The following HMGN1 variants were observed in gnomAD, a reference collection of about 807,000 sequenced individuals.
The protein encoded by HMGN1 is non-histone chromosomal protein HMG-14.
In HMGN1, 9 loss-of-function variants were observed where a neutral mutation model predicts 18.4. That is an observed-to-expected ratio of 0.49 (90% confidence interval 0.29 to 0.85). HMGN1 has a LOEUF of 0.85. HMGN1 is among the 40% of genes least tolerant of loss of function. The pLI, the probability that HMGN1 is intolerant of heterozygous loss-of-function variation, is 0.07. For synonymous variants in HMGN1, 59 were observed against 45.0 expected, an observed-to-expected ratio of 1.31 and a Z score of -1.24; for missense variants, 151 against 119.2, an observed-to-expected ratio of 1.27 and a Z score of -1.24.
rs1348270482 is a variant in HMGN1, at chr21:39,343,177, T to C, written c.256-18A>G. On this transcript the variant is annotated intron_variant, in intron 5 of 5. Transcript: ENST00000380749. ...GCTGGACTCTGCAAAAGAAAGGAAA[T>C]TGAGATCTTTAGCATTTAACACGTT... 1 of 1,586,628 alleles carries C rather than the reference T, an allele frequency of 6.3e-7. No individual in the cohort carries two copies. Among genetic ancestry groups the C allele is most frequent in the African/African-American group, 1.4e-5 (1 of 73,612 alleles).
chr21:39,344,275 A>G (rs893328966), intron 5 of HMGN1, among the ~76,000 whole-genome samples: 46 of 145,606 alleles, frequency 3.2e-4, no homozygotes, highest in Admixed American at 2.9e-3. Flanking sequence ...AAAAAAAAAA[A>G]GGAATTAAGA....
Position 39,348,332 on chromosome 21 carries a change from G to A in HMGN1, c.86C>T (p.Pro29Leu). The A allele has an allele frequency of 1.2e-6, 2 of 1,614,106 alleles. No individual in the cohort carries two copies. The change falls in exon 4 of 6, where the codon CCT becomes CTT. Residue 29 changes from proline to leucine, a missense_variant. Coordinates refer to ENST00000380749, the MANE Select transcript of HMGN1 (RefSeq NM_004965.7). The part of the protein sequence containing the change: ...RRSARLSAKP[P>L]AKVEAKPKKA... ...TTTCGGCTTCGCTTCCACTTTTGCA[G>A]GAGGTTTCTGAAAGGCAAAAGCAGC...
At chr21:39,344,586 A>C (rs1347560273) in intron 5 of HMGN1, 2 of 152,930 alleles carry the variant, frequency 1.3e-5, no homozygotes, top group African/African-American at 4.8e-5. Context: ...AACCTGTTAC[A>C]GACTTCTTTG....
In HMGN1 at chr21:39,343,146, T is replaced by A. The variant is rs768746990; in HGVS notation, c.269A>T (p.Asp90Val). Reference protein sequence around the residue: ...ETKTEESPASDEAGEKEAKSD With the variant: ...ETKTEESPASVEAGEKEAKSD ...CTTGGCTTCTTTCTCTCCTGCTTCA[T>A]CAGAGGCTGGACTCTGCAAAAGAAA... The change falls in exon 6 of 6, where the codon GAT becomes GTT. Residue 90 changes from aspartate to valine, a missense_variant. Coordinates refer to ENST00000380749, the MANE Select transcript of HMGN1 (RefSeq NM_004965.7). 1.9e-5 allele frequency: 30 copies of A among 1,597,974 alleles called. No homozygotes were observed. The highest frequency in any genetic ancestry group is 2.6e-5 in the Non-Finnish European group (30 of 1,171,126).
chr21:39,344,255 T>C (rs1172847178), intron 5 of HMGN1, among the ~76,000 whole-genome samples: 1 of 13,664 alleles, frequency 7.3e-5, no homozygotes, highest in African/African-American at 2.7e-4. Flanking sequence ...AAATTCCGTC[T>C]CAAAAAAAAA....
chr21:39,346,152 A>T, intron 4 of HMGN1: 1 of 369,550 alleles, frequency 2.7e-6, no homozygotes, highest in Non-Finnish European at 5.2e-6. Context: ...GTGGTATAAA[A>T]GACCCATACG....
intron 5 of HMGN1, among the ~76,000 whole-genome samples, 153 bp downstream of exon 5, chr21:39,344,993 C>T (rs1439578568): frequency 6.6e-6 from 1 of 152,084 alleles, no homozygotes; most frequent in East Asian, 1.9e-4. Flanking sequence ...TCATAGAAAA[C>T]CATTTGTCCA....
In HMGN1 at chr21:39,345,171, T is replaced by G; in HGVS notation, c.230A>C (p.Glu77Ala). 1 of 1,604,468 alleles carries G rather than the reference T, an allele frequency of 6.2e-7. No homozygotes were observed. Residue 77 changes from glutamate (E) to alanine (A), a missense_variant, in exon 5 of 6, where the codon GAA (glutamate) becomes GCA (alanine). Physicochemically the swap from Glu to Ala is moderately radical, Grantham distance 107 (BLOSUM62 -1). Coordinates refer to ENST00000380749, the MANE Select transcript of HMGN1 (RefSeq NM_004965.7). Reference protein sequence around the residue: ...NQETKEDLPAENGETKTEESP... With the variant: ...NQETKEDLPAANGETKTEESP... ...CTCCTCAGTCTTCGTTTCCCCGTTT[T>G]CCGCAGGTAAGTCTTCTTTAGTTTC...
At chr21:39,345,917 TC>T in intron 4 of HMGN1, 2 of 1,302,322 alleles carry the variant, frequency 1.5e-6, no homozygotes, top group Non-Finnish European at 2.0e-6. Context: ...ACTAAAAGGA[TC>T]AGTTTTGAAT....
In HMGN1 at chr21:39,343,172, G is replaced by C. The variant is rs376492113; in HGVS notation, c.256-13C>G. ...CAGAGGCTGGACTCTGCAAAAGAAA[G>C]GAAATTGAGATCTTTAGCATTTAAC... On this transcript the variant is annotated splice_polypyrimidine_tract_variant and intron_variant, in intron 5 of 5. Transcript: ENST00000380749. 2 of 1,587,766 alleles carry C rather than the reference G, an allele frequency of 1.3e-6. No individual in the cohort carries two copies. Among genetic ancestry groups the C allele is most frequent in the African/African-American group, 1.4e-5 (1 of 73,700 alleles).
At chr21:39,343,440 A>T (rs906443844) in intron 5 of HMGN1, among the ~76,000 whole-genome samples, 8 of 152,222 alleles carry the variant, frequency 5.3e-5, no homozygotes, top group Non-Finnish European at 1.2e-4. Context: ...TTCAGCTCTA[A>T]TGCCGTAAAC....
intron 4 of HMGN1, chr21:39,345,993 C>T (rs1225667263): frequency 1.6e-6 from 2 of 1,266,926 alleles, no homozygotes; most frequent in Non-Finnish European, 2.1e-6. Flanking sequence ...ACCATACTAA[C>T]TTGATACATT....
intron 4 of HMGN1, 89 bp from the exon 5 acceptor site, chr21:39,345,363 A>G: frequency 7.5e-7 from 1 of 1,329,452 alleles, no homozygotes; most frequent in East Asian, 2.3e-5. Flanking sequence ...TCAGACAAGT[A>G]ATGTGCCCAG....
In HMGN1 at chr21:39,348,469, G is replaced by C; in HGVS notation, c.49-18C>G. ...CTCTTGGGCTTGGAGAAAGAAAAAG[G>C]AGAGTCAGCGAGAAGAGAAGGCAGG... On this transcript the variant is annotated intron_variant, in intron 2 of 5. Coordinates refer to ENST00000380749, the MANE Select transcript of HMGN1 (RefSeq NM_004965.7). 1 of 1,614,158 alleles carries C rather than the reference G, an allele frequency of 6.2e-7. No homozygotes were observed. The highest frequency in any genetic ancestry group is 8.5e-7 in the Non-Finnish European group (1 of 1,180,004).
chr21:39,342,938 C>T lies in HMGN1; in HGVS notation c.*174G>A, dbSNP rs1601544201. On this transcript the variant is annotated 3_prime_UTR_variant, in exon 6 of 6. Transcript: ENST00000380749. ...AAACAACCAGCAAATGATTTCACCT[C>T]TTAAAAAAAAGCATTTACACTTAAA... is the stretch of plus-strand genomic sequence containing the variant. 7.9e-7 allele frequency: 1 copy of T among 1,263,094 alleles called. No homozygotes were observed. The highest frequency in any genetic ancestry group is 1.1e-6 in the Non-Finnish European group (1 of 904,228). The allele number at this position is 1,263,094 out of a possible 1,614,324, so 78.2% of individuals were successfully genotyped here. A position where few individuals can be genotyped will look rare whatever the true frequency, so the allele number is the denominator to read the frequency against.
At position 39,342,350 on chromosome 21, in the gene HMGN1, A is replaced by T. The variant is rs907675968; in HGVS notation, c.*762T>A. ...ACTGAGATTTTATTGGTTGAGGATC[A>T]GTACAGACATTTCAATTTGTACACA... On this transcript the variant is annotated 3_prime_UTR_variant, in exon 6 of 6. Coordinates refer to ENST00000380749, the MANE Select transcript of HMGN1 (RefSeq NM_004965.7). 4 of 155,320 alleles carry T rather than the reference A, an allele frequency of 2.6e-5. No homozygotes were observed. Among genetic ancestry groups the T allele is most frequent in the Admixed American group, 1.9e-4 (3 of 15,864 alleles). 9.6% of individuals were successfully genotyped at this position (155,320 alleles called of 1,614,324 possible).
In HMGN1 at chr21:39,342,764, G is replaced by A. The variant is rs1238740971; in HGVS notation, c.*348C>T. ...AAAATGTTCAAGACATTAAATGCAG[G>A]ACTGACTCCATATTGCCATTTAATA... On this transcript the variant is annotated 3_prime_UTR_variant, in exon 6 of 6. Transcript: ENST00000380749. 5 of 762,954 alleles carry A rather than the reference G, an allele frequency of 6.6e-6. No homozygotes were observed. In the East Asian group the frequency reaches 1.7e-4, roughly 26 times the overall value. 47.3% of individuals were successfully genotyped at this position (762,954 alleles called of 1,614,324 possible). A position where few individuals can be genotyped will look rare whatever the true frequency, so the allele number is the denominator to read the frequency against.
chr21:39,345,067 A>T, intron 5 of HMGN1, 79 bp downstream of exon 5: 1 of 1,440,550 alleles, frequency 6.9e-7, no homozygotes, highest in Non-Finnish European at 9.2e-7. Flanking sequence ...ATCTGCTACA[A>T]AAAATGTACA....
intron 4 of HMGN1, 151 bp from the exon 5 acceptor site, chr21:39,345,425 G>A (rs2037017311): frequency 2.0e-5 from 14 of 684,654 alleles, no homozygotes; most frequent in South Asian, 3.7e-5. Flanking sequence ...ACACATGAGC[G>A]TGAAACCCCA....
Sources: allele counts gnomAD v4.1 joint callset (sites outside exome capture counted in the v4.1 genomes callset), GRCh38; gene constraint gnomAD v4.1.1; transcripts MANE v1.5; gene names NCBI Gene and HGNC (gene_info 2026-07-23, HGNC 2026-07-21).